Variants in AXIN1 observed in about 807,000 individuals in gnomAD.
The protein encoded by AXIN1 is axin-1.
AXIN1 carries 30 observed loss-of-function variants against 76.4 expected under a neutral mutation model. The ratio of observed to expected loss-of-function variants is 0.39; its 90% CI spans 0.29 to 0.53. The LOEUF is 0.53. Ranked by LOEUF, AXIN1 falls within the 20% of genes least tolerant of loss-of-function variation. The pLI is 0.66. For synonymous variants in AXIN1, 545 were observed against 501.4 expected (o/e 1.09, Z -1.16); for missense variants, 1,140 against 1,198.8 (o/e 0.95, Z 0.72).
chr16:299,162 G>A (rs1328249633), intron 5 of AXIN1: 1 of 985,318 alleles, frequency 1.0e-6, no homozygotes, highest in African/African-American at 1.7e-5. Flanking sequence ...GAAGCCGGTG[G>A]AGTTTCACTT....
Position 293,382 on chromosome 16 carries a change from G to C in AXIN1, c.2186+106C>G. ...GCCCAGTATGGCTGGGGGACACCCAGAGGGCCGTTTTTCCCCTGAAGACCT... is the reference window on the plus strand; with the variant it reads ...GCCCAGTATGGCTGGGGGACACCCACAGGGCCGTTTTTCCCCTGAAGACCT... On this transcript the variant is annotated intron_variant, in intron 8 of 10. Coordinates refer to ENST00000262320, the MANE Select transcript of AXIN1 (RefSeq NM_003502.4). This position sits in a 1 kb window ranked among gnomAD's most constrained non-coding sequence, Gnocchi z 4.6. 8.7e-7 allele frequency: 1 copy of C among 1,153,640 alleles called. No homozygotes were observed. Among genetic ancestry groups the C allele is most frequent in the Non-Finnish European group, 1.2e-6 (1 of 805,002 alleles). The allele number at this position is 1,153,640 out of a possible 1,614,324, so 71.5% of individuals were successfully genotyped here. A position where few individuals can be genotyped will look rare whatever the true frequency, so the allele number is the denominator to read the frequency against.
chr16:304,391 C>T lies in AXIN1; in HGVS notation c.1167G>A (p.Ala389=), dbSNP rs151172370. ...CCTCCAGGCGGTGGATGAGCTCCTC[C>T]GCGAACTTCTGAGGCTCCACGCGGA... The part of the protein sequence containing the change: ...KEVRVEPQKF[A]EELIHRLEAV... Residue 389 remains alanine (A), a synonymous_variant, in exon 5 of 11, where the codon GCG becomes GCA. Coordinates refer to ENST00000262320, the MANE Select transcript of AXIN1 (RefSeq NM_003502.4). 2.8e-3 allele frequency: 4,530 copies of T among 1,612,726 alleles called. 33 individuals are homozygous for T. Among genetic ancestry groups the T allele is most frequent in the African/African-American group, 6.7e-3 (504 of 75,062 alleles).
At position 352,391 on chromosome 16, in the gene AXIN1, C is replaced by T. The variant is rs1353437613; in HGVS notation, c.-104G>A. ...CACCCGCGCGCGGTGGTGGCGGGAC[C>T]CCGGGCCCGGCTCCCGGAGCGGCGC... On this transcript the variant is annotated 5_prime_UTR_variant, in exon 1 of 11. Transcript: ENST00000262320. The T allele has an allele frequency of 1.0e-6, 1 of 967,926 alleles. No homozygotes were observed. Among genetic ancestry groups the T allele is most frequent in the African/African-American group, 1.9e-5 (1 of 53,300 alleles). 60.0% of individuals were successfully genotyped at this position (967,926 alleles called of 1,614,324 possible).
intron 2 of AXIN1, among the ~76,000 whole-genome samples, chr16:339,426 G>A (rs1463632253): frequency 4.0e-5 from 6 of 150,408 alleles, no homozygotes; most frequent in Non-Finnish European, 5.9e-5. Context: ...CAGGAGAAGT[G>A]CTTGAACCCA....
chr16:329,013 C>T (rs986806586), intron 2 of AXIN1, among the ~76,000 whole-genome samples: 3 of 152,118 alleles, frequency 2.0e-5, no homozygotes, highest in South Asian at 2.1e-4. Context: ...CGGTAGCTCA[C>T]GCCTGTAATC....
At chr16:345,880 G>C (rs2045487878) in intron 2 of AXIN1, among the ~76,000 whole-genome samples, 1 of 152,188 alleles carries the variant, frequency 6.6e-6, no homozygotes, top group Admixed American at 6.5e-5. Context: ...ACATGTCATT[G>C]TGACTTCTAA....
rs1597071876 is a variant in AXIN1, at chr16:323,356, G to A, written c.879-8673C>T. On this transcript the variant is annotated intron_variant, in intron 2 of 10. Coordinates refer to ENST00000262320, the MANE Select transcript of AXIN1 (RefSeq NM_003502.4). The stretch of plus-strand genomic sequence containing the variant: ...CGGGAGGCTGAGGCAGGAGAATGGC[G>A]TGAACCCAGGAGGCAGAGCTTGCAG... Among the ~76,000 whole-genome samples, 8 of 148,816 alleles carry A rather than the reference G, an allele frequency of 5.4e-5. No homozygotes were observed. The South Asian group carries it at 6.4e-4, about 12-fold the overall frequency.
chr16:347,259 C>A (rs2054051709), intron 1 of AXIN1, among the ~76,000 whole-genome samples, 153 bp from the exon 2 acceptor site: 2 of 152,168 alleles, frequency 1.3e-5, no homozygotes, highest in South Asian at 4.1e-4. Context: ...TATATTTTGG[C>A]CACAAGCATA....
At chr16:298,303 G>A (rs1255702130) in intron 5 of AXIN1, 52 bp from the exon 6 acceptor site, 1 of 1,535,910 alleles carries the variant, frequency 6.5e-7, no homozygotes. Context: ...TGCACACTTG[G>A]GGAAAACAAA....
At chr16:294,296 C>T (rs181239871) in intron 7 of AXIN1, among the ~76,000 whole-genome samples, 33 of 149,842 alleles carry the variant, frequency 2.2e-4, no homozygotes, top group African/African-American at 7.9e-4. Context: ...CATGACTCTA[C>T]TCAAAAAATA....
chr16:325,806 A>G (rs2053568407), intron 2 of AXIN1, among the ~76,000 whole-genome samples: 1 of 152,214 alleles, frequency 6.6e-6, no homozygotes, highest in African/African-American at 2.4e-5. Flanking sequence ...CGGAAACACC[A>G]AGAAACGACC....
chr16:302,886 G>A (rs1390757826), intron 5 of AXIN1, among the ~76,000 whole-genome samples: 1 of 152,160 alleles, frequency 6.6e-6, no homozygotes, highest in Admixed American at 6.5e-5. Context: ...AAAAGCAAAG[G>A]CATTTTTTTT....
chr16:304,405 G>C lies in AXIN1; in HGVS notation c.1153C>G (p.Pro385Ala), dbSNP rs1319418938. The C allele has an allele frequency of 6.2e-7, 1 of 1,612,754 alleles. No homozygotes were observed. Among genetic ancestry groups the C allele is most frequent in the Non-Finnish European group, 8.5e-7 (1 of 1,179,962 alleles). ...ATGAGCTCCTCCGCGAACTTCTGAG[G>C]CTCCACGCGGACCTCCTTCGGCACC... ...YRVPKEVRVE[P>A]QKFAEELIHR... The change falls in exon 5 of 11, where the codon CCT becomes GCT. Residue 385 changes from proline to alanine, a missense_variant. Physicochemically the swap from Pro to Ala is conservative, Grantham distance 27. This residue lies in a region of AXIN1 where 708 missense variants were observed against 776.9 expected (regional missense o/e 0.91). Coordinates refer to ENST00000262320, the MANE Select transcript of AXIN1 (RefSeq NM_003502.4).
At chr16:320,996 C>T (rs550042250) in intron 2 of AXIN1, among the ~76,000 whole-genome samples, 2 of 152,200 alleles carry the variant, frequency 1.3e-5, no homozygotes, top group African/African-American at 4.8e-5. Flanking sequence ...CCTCGGCCTC[C>T]CAAAGTGCTG....
Position 304,379 on chromosome 16 carries a change from G to C in AXIN1, c.1179C>G (p.Ile393Met). The C allele has an allele frequency of 6.2e-7, 1 of 1,612,708 alleles. No homozygotes were observed. Among genetic ancestry groups the C allele is most frequent in the Non-Finnish European group, 8.5e-7 (1 of 1,179,924 alleles). ...VEPQKFAEEL[I>M]HRLEAVQRTR... Reference sequence around the variant, plus strand: ...TGCGCTGCACAGCCTCCAGGCGGTGGATGAGCTCCTCCGCGAACTTCTGAG... The same window carrying C: ...TGCGCTGCACAGCCTCCAGGCGGTGCATGAGCTCCTCCGCGAACTTCTGAG... The change falls in exon 5 of 11, where the codon ATC becomes ATG. Residue 393 changes from isoleucine (I) to methionine (M), a missense_variant. By Grantham distance (10) the Ile-to-Met change is conservative. This residue lies in a region of AXIN1 where 708 missense variants were observed against 776.9 expected (regional missense o/e 0.91). Coordinates refer to ENST00000262320, the MANE Select transcript of AXIN1 (RefSeq NM_003502.4).
intron 8 of AXIN1, chr16:292,323 G>T (rs780109404): frequency 3.9e-5 from 6 of 152,304 alleles, no homozygotes; most frequent in Non-Finnish European, 8.8e-5. Context: ...TGGTCATAAA[G>T]TGGTCACCCT....
intron 1 of AXIN1, among the ~76,000 whole-genome samples, chr16:347,922 G>T (rs369957777): frequency 6.6e-6 from 1 of 152,194 alleles, no homozygotes; most frequent in Non-Finnish European, 1.5e-5. Context: ...TAGTAAATGG[G>T]TACTTCAAGG....
Position 291,179 on chromosome 16 carries a change from G to T in AXIN1, c.2294+11C>A. On this transcript the variant is annotated intron_variant, in intron 9 of 10. Coordinates refer to ENST00000262320, the MANE Select transcript of AXIN1 (RefSeq NM_003502.4). ...TGGGCAGGACCGGGAGGACCCTCAG[G>T]ACGCACGTACTCTGTCTCGGAGAGC... 1.3e-6 allele frequency: 2 copies of T among 1,570,532 alleles called. No homozygotes were observed. Among genetic ancestry groups the T allele is most frequent in the Non-Finnish European group, 1.7e-6 (2 of 1,157,828 alleles).
intron 2 of AXIN1, among the ~76,000 whole-genome samples, chr16:328,820 G>T (rs1240198918): frequency 2.0e-5 from 3 of 152,224 alleles, no homozygotes; most frequent in Non-Finnish European, 4.4e-5. Flanking sequence ...CAGGCAGGGA[G>T]AGTGTGGCCG....
Sources: gnomAD v4.1 joint callset for allele counts (sites outside exome capture counted in the v4.1 genomes callset) on GRCh38, gnomAD v4.1.1 for gene constraint, gnomAD v4.1.1 regional missense constraint, Gnocchi (gnomAD v3.1) non-coding constraint, MANE v1.5 for transcripts, NCBI Gene and HGNC (gene_info 2026-07-23, HGNC 2026-07-21) for gene names.